Variants in MRTFB observed in about 807,000 individuals in gnomAD.
MRTFB encodes the protein myocardin-related transcription factor B.
Under a neutral mutation model 104.2 loss-of-function variants are expected in MRTFB, and 29 were observed. The observed-to-expected ratio is 0.28, with a 90% confidence interval of 0.21 to 0.38. The LOEUF (loss-of-function observed/expected upper bound fraction) is 0.38. Ranked by LOEUF, MRTFB falls within the 10% of genes least tolerant of loss-of-function variation. MRTFB has a pLI of 1.00. For synonymous variants in MRTFB, 535 were observed against 519.5 expected, an observed-to-expected ratio of 1.03 and a Z score of -0.41; for missense variants, 1,270 against 1,341.6, an observed-to-expected ratio of 0.95 and a Z score of 0.83.
intron 9 of MRTFB, among the ~76,000 whole-genome samples, chr16:14,237,160 G>A (rs2042553885): frequency 6.6e-6 from 1 of 152,180 alleles, no homozygotes; most frequent in South Asian, 2.1e-4. Flanking sequence ...ATAGAAATGT[G>A]GGTCATCGGT....
chr16:14,147,460 G>A (rs1354296131), intron 3 of MRTFB, among the ~76,000 whole-genome samples: 1 of 152,164 alleles, frequency 6.6e-6, no homozygotes, highest in African/African-American at 2.4e-5. Context: ...TTGATTCACA[G>A]TGTAAATAAG....
intron 3 of MRTFB, among the ~76,000 whole-genome samples, chr16:14,183,808 CTT>C (rs1410750134): frequency 6.6e-6 from 1 of 151,958 alleles, no homozygotes; most frequent in Non-Finnish European, 1.5e-5. Flanking sequence ...AAAGACACAA[CTT>C]TTGATATAAA....
chr16:14,093,697 C>G (rs2035210037), intron 2 of MRTFB, among the ~76,000 whole-genome samples: 1 of 152,026 alleles, frequency 6.6e-6, no homozygotes, highest in East Asian at 1.9e-4. Context: ...TTGAATTTTA[C>G]CAAAGTGACT....
Position 14,264,686 on chromosome 16 carries a change from G to T in MRTFB, c.*3242G>T, listed in dbSNP as rs2043886139. ...TGTAACTGACACTTTTTGGCTTTCA[G>T]TGCTGTTTAGAAACAGTGGCAAAGG... On this transcript the variant is annotated 3_prime_UTR_variant, in exon 17 of 17. Coordinates refer to ENST00000571589, the MANE Select transcript of MRTFB (RefSeq NM_001308142.2). 1 of 152,182 alleles carries T rather than the reference G, an allele frequency of 6.6e-6. No individual in the cohort carries two copies. Among genetic ancestry groups the T allele is most frequent in the African/African-American group, 2.4e-5 (1 of 41,436 alleles). 9.4% of individuals were successfully genotyped at this position (152,182 alleles called of 1,614,324 possible).
At chr16:14,257,037 C>A (rs1731045626) in intron 15 of MRTFB, among the ~76,000 whole-genome samples, 1 of 152,152 alleles carries the variant, frequency 6.6e-6, no homozygotes, top group African/African-American at 2.4e-5. Flanking sequence ...AACCCCTGTG[C>A]AATACCGCTA....
rs544427058 is a variant in MRTFB, at chr16:14,112,800, C to T, written c.-63-27744C>T. ...TCTCCAGGTATCTTTATAGCTTATT[C>T]CCTCACCTCCTTCTGGTCTGTGTTC... On this transcript the variant is annotated intron_variant, in intron 2 of 16. Transcript: ENST00000571589. Among the ~76,000 whole-genome samples the T allele has an allele frequency of 9.2e-5, 14 of 152,170 alleles. No homozygotes were observed. In the South Asian group the frequency reaches 2.7e-3, roughly 29 times the overall value.
At chr16:14,068,084 G>A (rs1003505690), upstream of MRTFB, among the ~76,000 whole-genome samples, 1 of 151,868 alleles carries the variant, frequency 6.6e-6, no homozygotes, top group African/African-American at 2.4e-5. Flanking sequence ...CTCTCACCTC[G>A]GCCTCCCAAA....
Position 14,246,904 on chromosome 16 carries a change from T to C in MRTFB, c.1644T>C (p.Asn548=), listed in dbSNP as rs1002804981. The stretch of plus-strand genomic sequence containing the variant: ...GTTCATCTCCTTTGAGAATGACAAA[T>C]AATGAAGACAGTCTGAGTCCCACCA... The part of the protein sequence containing the change: ...FLSSSPLRMT[N]NEDSLSPTSS... The change falls in exon 12 of 17, where the codon AAT becomes AAC. Residue 548 remains asparagine (N), a synonymous_variant. Transcript: ENST00000571589. 4 of 1,613,240 alleles carry C rather than the reference T, an allele frequency of 2.5e-6. No homozygotes were observed. Among genetic ancestry groups the C allele is most frequent in the Non-Finnish European group, 3.4e-6 (4 of 1,179,980 alleles).
chr16:14,222,649 T>C (rs1224872482), intron 8 of MRTFB, among the ~76,000 whole-genome samples: 1 of 150,922 alleles, frequency 6.6e-6, no homozygotes, highest in Non-Finnish European at 1.5e-5. Context: ...CACTTTGAGA[T>C]GCCAAAGTGA....
chr16:14,251,841 A>G (rs776086288), intron 13 of MRTFB, 21 bp from the exon 14 acceptor site: 5 of 1,608,340 alleles, frequency 3.1e-6, no homozygotes, highest in Non-Finnish European at 4.2e-6. Context: ...AAATTAATGG[A>G]GAAACATTTA....
chr16:14,168,389 G>A (rs1276075455), intron 3 of MRTFB, among the ~76,000 whole-genome samples: 2 of 152,068 alleles, frequency 1.3e-5, no homozygotes, highest in Non-Finnish European at 2.9e-5. Flanking sequence ...CTGCTCTTTC[G>A]CAATCATTTT....
intron 3 of MRTFB, among the ~76,000 whole-genome samples, chr16:14,185,579 G>A (rs1009237401): frequency 6.6e-6 from 1 of 151,862 alleles, no homozygotes; most frequent in East Asian, 1.9e-4. Context: ...AAGTTTTCCT[G>A]ATGCACTGTC....
At chr16:14,214,363 T>A (rs532891305) in intron 6 of MRTFB, among the ~76,000 whole-genome samples, 24 of 152,262 alleles carry the variant, frequency 1.6e-4, no homozygotes, top group African/African-American at 5.8e-4. Context: ...ACAGAAACAA[T>A]CTGAAAACTT....
At chr16:14,174,232 G>A (rs2039510807) in intron 3 of MRTFB, among the ~76,000 whole-genome samples, 1 of 152,134 alleles carries the variant, frequency 6.6e-6, no homozygotes, top group South Asian at 2.1e-4. Flanking sequence ...CATCTGTCTT[G>A]TACTAAGAGT....
intron 3 of MRTFB, among the ~76,000 whole-genome samples, chr16:14,145,756 A>G (rs2038278963): frequency 6.6e-6 from 1 of 152,258 alleles, no homozygotes; most frequent in South Asian, 2.1e-4. Flanking sequence ...CATTTTAAAT[A>G]CACGTTAGAT....
chr16:14,013,653 A>G, the MRTFB span, among the ~76,000 whole-genome samples: 1 of 152,260 alleles, frequency 6.6e-6, no homozygotes, highest in African/African-American at 2.4e-5. Context: ...ATACAACCAC[A>G]TGTATGACAT....
chr16:14,173,668 TTCTC>T (rs72274767), intron 3 of MRTFB, among the ~76,000 whole-genome samples: 8,497 of 152,210 alleles, frequency 0.056, 722 homozygotes, highest in African/African-American at 0.18. Flanking sequence ...TTGTGCCTCA[TTCTC>T]TCTCTGCCAT....
Position 14,077,571 on chromosome 16 carries a change from C to T in MRTFB, c.-128-1719C>T, listed in dbSNP as rs574140870. ...TATTTTTCCATGTGAACTTTAGAAT[C>T]GTTTTGTCTAGTTCCAGAAAACACT... On this transcript the variant is annotated intron_variant, in intron 1 of 16. Transcript: ENST00000571589. Among the ~76,000 whole-genome samples, 86 of 145,194 alleles carry T rather than the reference C, an allele frequency of 5.9e-4. 1 individual carries two copies. In the South Asian group the frequency reaches 0.016, roughly 26 times the overall value.
the MRTFB span, among the ~76,000 whole-genome samples, chr16:14,052,214 A>C: frequency 6.6e-6 from 1 of 152,106 alleles, no homozygotes. Flanking sequence ...GAAATGAGGG[A>C]GGAGGAGTCA....
Sources: gnomAD v4.1 joint callset for allele counts (sites outside exome capture counted in the v4.1 genomes callset) on GRCh38, gnomAD v4.1.1 for gene constraint, MANE v1.5 for transcripts, NCBI Gene and HGNC (gene_info 2026-07-23, HGNC 2026-07-21) for gene names.